Variants in LIPA observed in about 807,000 individuals in gnomAD.
The protein encoded by LIPA is lipase A, lysosomal acid type.
In LIPA, 26 loss-of-function variants were observed where a neutral mutation model predicts 40.6. That is an observed-to-expected ratio of 0.64 (90% CI 0.47 to 0.89). LIPA has a LOEUF of 0.89. Among genes scored for constraint, LIPA ranks in the 40% least tolerant of loss-of-function variants. The pLI, the probability that LIPA is intolerant of heterozygous loss-of-function variation, is 0.00. For missense variants in LIPA, 455 were observed against 479.6 expected (o/e 0.95, Z 0.48); for synonymous variants, 188 against 168.4 (o/e 1.12, Z -0.90).
At chr10:89,272,470 TACA>T (rs906996755) in intron 1 of LIPA, among the ~76,000 whole-genome samples, 3 of 152,266 alleles carry the variant, frequency 2.0e-5, no homozygotes, top group African/African-American at 7.2e-5. Flanking sequence ...AGTGTATGTG[TACA>T]ACATTTTCTT....
chr10:89,310,165 C>G (rs1843507814), intron 1 of LIPA, among the ~76,000 whole-genome samples: 2 of 152,180 alleles, frequency 1.3e-5, no homozygotes, highest in African/African-American at 2.4e-5. Flanking sequence ...TTCCTCTTAT[C>G]TCTGTGTTGG....
chr10:89,249,157 T>C (rs1358114167), intron 1 of LIPA, among the ~76,000 whole-genome samples: 2 of 152,198 alleles, frequency 1.3e-5, no homozygotes, highest in African/African-American at 4.8e-5. Context: ...AAAAGTGAAA[T>C]GAAAGAAAAT....
At chr10:89,361,880 T>C (rs1009000973) in intron 2 of LIPA, among the ~76,000 whole-genome samples, 1 of 36,090 alleles carries the variant, frequency 2.8e-5, no homozygotes, top group Non-Finnish European at 4.7e-5. Flanking sequence ...CCTGCCTTTT[T>C]TTTTTTTTTT....
At chr10:89,370,998 A>C (rs1387198317) in intron 2 of LIPA, among the ~76,000 whole-genome samples, 1 of 152,218 alleles carries the variant, frequency 6.6e-6, no homozygotes. Flanking sequence ...AGCCTGGGTG[A>C]CAGAGTGAGA....
At chr10:89,359,978 G>C (rs552642065) in intron 2 of LIPA, among the ~76,000 whole-genome samples, 1 of 152,054 alleles carries the variant, frequency 6.6e-6, no homozygotes, top group Admixed American at 6.5e-5. Flanking sequence ...TCTATAACTA[G>C]GAATGATTAT....
intron 8 of LIPA, among the ~76,000 whole-genome samples, chr10:89,217,308 G>A (rs1457593884): frequency 1.3e-5 from 2 of 152,242 alleles, no homozygotes; most frequent in Non-Finnish European, 2.9e-5. Flanking sequence ...ATAGGGGATT[G>A]TTACAGGAGA....
Position 89,373,252 on chromosome 10 carries a change from G to A in LIPA, c.61+39539C>T, listed in dbSNP as rs147132870. Among the ~76,000 whole-genome samples, 265 of 149,820 alleles carry A rather than the reference G, an allele frequency of 1.8e-3. 4 individuals carry two copies. The East Asian group carries it at 0.043, about 24-fold the overall frequency. On this transcript the variant is annotated intron_variant, in intron 2 of 8. Coordinates refer to the LIPA transcript ENST00000371837. ...CGGGAGGCTGAGGCAGGAGAATGGC[G>A]TGAACCCGGGAGGCAGAGCTTACAG...
At chr10:89,307,111 G>C (rs1054617659) in intron 1 of LIPA, 1 of 1,614,062 alleles carries the variant, frequency 6.2e-7, no homozygotes, top group Non-Finnish European at 8.5e-7. Flanking sequence ...TGTACCAAAT[G>C]AAGTGTGAAG....
rs147013101 is a variant in LIPA at position 89,217,002 on chromosome 10, A to G, written c.895-993T>C. On this transcript the variant is annotated intron_variant, in intron 8 of 9. Coordinates refer to ENST00000336233, the MANE Select transcript of LIPA (RefSeq NM_000235.4). The stretch of plus-strand genomic sequence containing the variant: ...TTGAAATTTACATTTATTCATATTT[A>G]AAATAGTATAATATAAAATATTAGC... 4.4e-3 allele frequency among the ~76,000 whole-genome samples: 675 copies of G among 152,340 alleles called. 1 individual carries two copies. The highest frequency in any genetic ancestry group is 0.016 in the African/African-American group (651 of 41,584).
chr10:89,283,359 G>A (rs1381346043), intron 1 of LIPA, among the ~76,000 whole-genome samples: 1 of 152,180 alleles, frequency 6.6e-6, no homozygotes, highest in Non-Finnish European at 1.5e-5. Flanking sequence ...CTCTGGCTCG[G>A]AAGTCTGCCT....
intron 7 of LIPA, among the ~76,000 whole-genome samples, chr10:89,223,285 T>C (rs989929965): frequency 1.8e-4 from 4 of 22,424 alleles, no homozygotes; most frequent in African/African-American, 7.6e-4. Flanking sequence ...CAATATTGGC[T>C]ATAGTACTCA....
At position 89,215,002 on chromosome 10, in the gene LIPA, C is replaced by T. The variant is rs550415126; in HGVS notation, c.1026G>A (p.Gly342=). Residue 342 remains glycine, a synonymous_variant, in exon 10 of 10, where the codon GGG becomes GGA. Coordinates refer to ENST00000336233, the MANE Select transcript of LIPA (RefSeq NM_000235.4). ...DMLVPTAVWS[G]GHDWLADVYD... The stretch of plus-strand genomic sequence containing the variant: ...AGACATCTGCAAGCCAGTCGTGACC[C>T]CCGCTCCAGACTGCAGTCGGCACAA... The T allele has an allele frequency of 9.9e-6, 16 of 1,614,046 alleles. No homozygotes were observed. Among genetic ancestry groups the T allele is most frequent in the East Asian group, 6.7e-5 (3 of 44,904 alleles).
At position 89,214,412 on chromosome 10, in the gene LIPA, G is replaced by A. The variant is rs113254629; in HGVS notation, c.*416C>T. The A allele has an allele frequency of 2.9e-3, 499 of 174,162 alleles. No individual in the cohort carries two copies. The highest frequency in any genetic ancestry group is 5.9e-3 in the African/African-American group (244 of 41,692). The allele number at this position is 174,162 out of a possible 1,614,324, so 10.8% of individuals were successfully genotyped here. A position where few individuals can be genotyped will look rare whatever the true frequency, so the allele number is the denominator to read the frequency against. ...TTTAAGGCAAGGACATGAAAACTGC[G>A]TACTTTTATACCTCGCTTAAGTCAG... is the stretch of plus-strand genomic sequence containing the variant. On this transcript the variant is annotated 3_prime_UTR_variant, in exon 10 of 10. Transcript: ENST00000336233.
At chr10:89,248,453 T>G (rs1429664665) in intron 1 of LIPA, among the ~76,000 whole-genome samples, 1 of 67,926 alleles carries the variant, frequency 1.5e-5, no homozygotes, top group African/African-American at 5.2e-5. Flanking sequence ...TATTTATTTA[T>G]TTATTTATTT....
In LIPA at chr10:89,228,317, A is replaced by G. The variant is rs763519053; in HGVS notation, c.311T>C (p.Leu104Pro). 1 of 1,614,218 alleles carries G rather than the reference A, an allele frequency of 6.2e-7. No homozygotes were observed. The highest frequency in any genetic ancestry group is 8.5e-7 in the Non-Finnish European group (1 of 1,180,028). ...ACCAGCATCAGCAAGAATGAAGCCC[A>G]GGCTGCTGTTGGCAAGGTTTGTGAC... is the stretch of plus-strand genomic sequence containing the variant. Reference protein sequence around the residue: ...NWVTNLANSSLGFILADAGFD... With the variant: ...NWVTNLANSSPGFILADAGFD... Residue 104 changes from leucine to proline, a missense_variant, in exon 4 of 10, where the codon CTG becomes CCG. Transcript: ENST00000336233.
At chr10:89,245,285 TGAGA>T (rs951083212) in intron 3 of LIPA, among the ~76,000 whole-genome samples, 1 of 151,896 alleles carries the variant, frequency 6.6e-6, no homozygotes, top group African/African-American at 2.4e-5. Flanking sequence ...AAGTAGGGAG[TGAGA>T]GAGAAGGGAG....
chr10:89,235,461 A>C (rs1343206165), intron 3 of LIPA, among the ~76,000 whole-genome samples: 1 of 152,254 alleles, frequency 6.6e-6, no homozygotes, highest in Admixed American at 6.5e-5. Context: ...AAAGCTGACA[A>C]AGAAGCAGCC....
chr10:89,400,309 A>G (rs777568458), intron 2 of LIPA, among the ~76,000 whole-genome samples: 2 of 152,198 alleles, frequency 1.3e-5, no homozygotes, highest in African/African-American at 2.4e-5. Context: ...CTATTTCTGC[A>G]AAAAATGTCA....
Position 89,214,715 on chromosome 10 carries a change from AT to A in LIPA, c.*112del. 1 of 698,978 alleles carries A rather than the reference AT, an allele frequency of 1.4e-6. No homozygotes were observed. The highest frequency in any genetic ancestry group is 2.5e-6 in the Non-Finnish European group (1 of 401,594). 43.3% of individuals were successfully genotyped at this position (698,978 alleles called of 1,614,324 possible). On this transcript the variant is annotated 3_prime_UTR_variant, in exon 10 of 10. Transcript: ENST00000336233. ...CTTCAAAGTTATCATTTTCTTGGAT[AT>A]AAAAAAACAAAAGACCTGGGAAAGA...
Sources: gnomAD v4.1 joint callset for allele counts (sites outside exome capture counted in the v4.1 genomes callset) on GRCh38, gnomAD v4.1.1 for gene constraint, MANE v1.5 for transcripts, NCBI Gene and HGNC (gene_info 2026-07-23, HGNC 2026-07-21) for gene names.